Variants in PPP1R12B observed in about 807,000 individuals in gnomAD.
PPP1R12B encodes protein phosphatase 1 regulatory subunit 12B.
A neutral mutation model predicts 126.1 loss-of-function variants in PPP1R12B; 76 were observed. The observed-to-expected ratio is 0.60, with a 90% CI of 0.50 to 0.73. PPP1R12B has a LOEUF of 0.73. PPP1R12B is among the 30% of genes least tolerant of loss of function. The pLI is 0.00. For missense variants in PPP1R12B, 1,052 were observed against 1,205.1 expected (o/e 0.87, Z 1.88); for synonymous variants, 356 against 434.7 (o/e 0.82, Z 2.25).
At chr1:202,533,460 T>G (rs1195740372) in intron 18 of PPP1R12B, among the ~76,000 whole-genome samples, 4 of 152,150 alleles carry the variant, frequency 2.6e-5, no homozygotes, top group Admixed American at 2.6e-4. Context: ...TTGCTAATTT[T>G]GGGTTTTTTT....
chr1:202,575,117 C>T lies in PPP1R12B; in HGVS notation c.2863-5357C>T, dbSNP rs143184549. 39 of 1,613,732 alleles carry T rather than the reference C, an allele frequency of 2.4e-5. No individual in the cohort carries two copies. In the East Asian group the frequency reaches 3.1e-4, roughly 13 times the overall value. The stretch of plus-strand genomic sequence containing the variant: ...AGACTCTCGGAGTCCATCGAGTCCT[C>T]GGACACCCAGGAGCTCTAGTTCTTG... On this transcript the variant is annotated intron_variant, in intron 23 of 23. Coordinates refer to ENST00000608999, the MANE Select transcript of PPP1R12B (RefSeq NM_002481.4).
At chr1:202,535,989 G>A (rs1347894857) in intron 18 of PPP1R12B, among the ~76,000 whole-genome samples, 2 of 152,166 alleles carry the variant, frequency 1.3e-5, no homozygotes, top group African/African-American at 2.4e-5. Flanking sequence ...TTTACTGAAG[G>A]ATTTGAATTG....
In PPP1R12B at chr1:202,377,832, GTTTT is replaced by G. The variant is rs74860606; in HGVS notation, c.291+28714_291+28717del. On this transcript the variant is annotated intron_variant, in intron 1 of 23. Transcript: ENST00000608999. ...GGAGAAAGAAAGGTCAAAGACAGGT[GTTTT>G]TTTTTTTTTTTTTTTTTTTTTTTGA... 2.7e-3 allele frequency among the ~76,000 whole-genome samples: 266 copies of G among 97,204 alleles called. 2 individuals are homozygous for G. Among genetic ancestry groups the G allele is most frequent in the African/African-American group, 0.013 (256 of 20,078 alleles). The allele number at this position is 97,204 out of a possible 152,430, so 63.8% of individuals were successfully genotyped here. A position where few individuals can be genotyped will look rare whatever the true frequency, so the allele number is the denominator to read the frequency against.
At chr1:202,385,657 A>G (rs1414955014) in intron 1 of PPP1R12B, among the ~76,000 whole-genome samples, 1 of 152,208 alleles carries the variant, frequency 6.6e-6, no homozygotes, top group Non-Finnish European at 1.5e-5. Flanking sequence ...TTACAGATCA[A>G]AAAACCTGAG....
chr1:202,371,477 T>C (rs1423649135), intron 1 of PPP1R12B, among the ~76,000 whole-genome samples: 3 of 152,070 alleles, frequency 2.0e-5, no homozygotes, highest in Non-Finnish European at 4.4e-5. Context: ...TATTCATTAT[T>C]TGGAGTGTGT....
intron 18 of PPP1R12B, among the ~76,000 whole-genome samples, chr1:202,548,183 C>G (rs1685848435): frequency 6.6e-6 from 1 of 152,188 alleles, no homozygotes; most frequent in South Asian, 2.1e-4. Context: ...TGTAACTGTT[C>G]TAGTGAAACT....
intron 13 of PPP1R12B, among the ~76,000 whole-genome samples, chr1:202,451,773 G>A (rs565687325): frequency 3.8e-4 from 56 of 145,946 alleles, no homozygotes; most frequent in African/African-American, 1.4e-3. Flanking sequence ...CCGACCTCCC[G>A]GACGGGGCGG....
chr1:202,419,168 A>T lies in PPP1R12B; in HGVS notation c.422+2251A>T, dbSNP rs1181441472. ...ATGCTAGTTAGCTGGGTGTTTTTACATTTTTTTTATGAATAAATGTTTCAC... is the reference window on the plus strand; with the variant it reads ...ATGCTAGTTAGCTGGGTGTTTTTACTTTTTTTTTATGAATAAATGTTTCAC... On this transcript the variant is annotated intron_variant, in intron 2 of 23. Coordinates refer to ENST00000608999, the MANE Select transcript of PPP1R12B (RefSeq NM_002481.4). The surrounding 1 kb of genome is among the most constrained non-coding windows in gnomAD (Gnocchi z 4.6). Among the ~76,000 whole-genome samples the T allele has an allele frequency of 6.6e-6, 1 of 151,952 alleles. No homozygotes were observed. The highest frequency in any genetic ancestry group is 1.5e-5 in the Non-Finnish European group (1 of 67,978).
chr1:202,498,611 T>C (rs1247987932), intron 18 of PPP1R12B, among the ~76,000 whole-genome samples: 1 of 152,210 alleles, frequency 6.6e-6, no homozygotes, highest in East Asian at 1.9e-4. Context: ...ATGATGCCAT[T>C]ATCTATATGG....
At chr1:202,515,009 G>C (rs1339042900) in intron 18 of PPP1R12B, among the ~76,000 whole-genome samples, 3 of 152,126 alleles carry the variant, frequency 2.0e-5, no homozygotes, top group Admixed American at 6.5e-5. Context: ...GGATGGAGCT[G>C]GAAGCCATTA....
intron 13 of PPP1R12B, among the ~76,000 whole-genome samples, chr1:202,454,033 C>T (rs1006396220): frequency 6.6e-6 from 1 of 152,126 alleles, no homozygotes; most frequent in Non-Finnish European, 1.5e-5. Flanking sequence ...GACAAAAACT[C>T]TCTTTAAAAA....
chr1:202,433,093 A>G (rs1439715509), intron 8 of PPP1R12B, among the ~76,000 whole-genome samples: 5 of 152,244 alleles, frequency 3.3e-5, no homozygotes, highest in African/African-American at 1.2e-4. Context: ...ATTCATTGAG[A>G]CTTGAACTTC....
chr1:202,449,733 C>T (rs1169822073), intron 13 of PPP1R12B, among the ~76,000 whole-genome samples: 2 of 152,086 alleles, frequency 1.3e-5, no homozygotes, highest in Admixed American at 6.5e-5. Flanking sequence ...GTCGCCCAGG[C>T]TGGAGTGCAG....
At chr1:202,404,304 T>A (rs946785362) in intron 1 of PPP1R12B, among the ~76,000 whole-genome samples, 3 of 152,112 alleles carry the variant, frequency 2.0e-5, no homozygotes, top group Admixed American at 2.0e-4. Flanking sequence ...CTTAAATTTC[T>A]ATGCATGCCC....
chr1:202,574,923 T>C, intron 23 of PPP1R12B: 1 of 1,329,646 alleles, frequency 7.5e-7, no homozygotes, highest in South Asian at 1.6e-5. Flanking sequence ...GATTTCTTTG[T>C]CCTACTTTTC....
At chr1:202,372,405 G>A (rs1279403951) in intron 1 of PPP1R12B, among the ~76,000 whole-genome samples, 1 of 152,050 alleles carries the variant, frequency 6.6e-6, no homozygotes, top group African/African-American at 2.4e-5. Flanking sequence ...TCAGGAGTCC[G>A]AGGAGGGAAG....
intron 13 of PPP1R12B, among the ~76,000 whole-genome samples, chr1:202,484,092 T>C: frequency 6.6e-6 from 1 of 152,352 alleles, no homozygotes; most frequent in South Asian, 2.1e-4. Context: ...TTGGATAATT[T>C]AATCCATTTA....
At chr1:202,405,805 T>C (rs1484064268) in intron 1 of PPP1R12B, among the ~76,000 whole-genome samples, 1 of 152,228 alleles carries the variant, frequency 6.6e-6, no homozygotes, top group Non-Finnish European at 1.5e-5. Context: ...TCTCGTGTCT[T>C]CTACCATGTA....
intron 13 of PPP1R12B, among the ~76,000 whole-genome samples, chr1:202,456,539 G>A (rs971502617): frequency 5.3e-5 from 8 of 152,192 alleles, no homozygotes; most frequent in Non-Finnish European, 7.3e-5. Context: ...TTTTAATGCC[G>A]TGTGTGTAGA....
Sources: allele counts gnomAD v4.1 joint callset (sites outside exome capture counted in the v4.1 genomes callset), GRCh38; gene constraint gnomAD v4.1.1; non-coding constraint Gnocchi (gnomAD v3.1); transcripts MANE v1.5; gene names NCBI Gene and HGNC (gene_info 2026-07-23, HGNC 2026-07-21).